CSMD2: variants seen among roughly 807,000 people sequenced by gnomAD.
The protein encoded by CSMD2 is CUB and Sushi multiple domains 2, also known as CUB and sushi domain-containing protein 2.
In CSMD2, 130 loss-of-function variants were observed where a neutral mutation model predicts 398.5. The observed-to-expected ratio is 0.33, with a 90% CI of 0.28 to 0.38. The LOEUF (loss-of-function observed/expected upper bound fraction) is 0.38, where lower values mean the gene tolerates loss of function less well. Ranked by LOEUF, CSMD2 falls within the 10% of genes least tolerant of loss-of-function variation. The probability of loss-of-function intolerance (pLI) is 1.00; values close to 1 mark genes in which losing one functional copy is unlikely to be tolerated. For missense variants in CSMD2, 3,829 were observed against 4,764.9 expected (o/e 0.80, Z 5.78); for synonymous variants, 1,828 against 1,908.5 (o/e 0.96, Z 1.10).
intron 3 of CSMD2, among the ~76,000 whole-genome samples, chr1:34,009,348 C>CG (rs2148061597): frequency 6.8e-6 from 1 of 146,288 alleles, no homozygotes; most frequent in South Asian, 2.2e-4. Flanking sequence ...AATTGAGGGT[C>CG]GGGGGTGGGG....
intron 13 of CSMD2, among the ~76,000 whole-genome samples, chr1:33,764,755 T>C (rs529211671): frequency 3.4e-4 from 52 of 152,358 alleles, no homozygotes; most frequent in African/African-American, 1.2e-3. Flanking sequence ...CTGGCTCTGA[T>C]CATTTGAAAA....
chr1:34,101,681 C>A (rs779236788), intron 1 of CSMD2, among the ~76,000 whole-genome samples: 1 of 152,152 alleles, frequency 6.6e-6, no homozygotes, highest in South Asian at 2.1e-4. Context: ...CTTTTTGGAA[C>A]TAGCTGATCA....
Position 33,820,569 on chromosome 1 carries a change from A to T in CSMD2, c.1112-13T>A. 2 of 789,036 alleles carry T rather than the reference A, an allele frequency of 2.5e-6. No individual in the cohort carries two copies. The highest frequency in any genetic ancestry group is 3.8e-6 in the Non-Finnish European group (2 of 526,436). The allele number at this position is 789,036 out of a possible 1,614,324, so 48.9% of individuals were successfully genotyped here. ...CCAACCTGAGTTACTACAAGGCAAA[A>T]AAAAAAAAAAAAAAAAAAACAGCAC... is the stretch of plus-strand genomic sequence containing the variant. On this transcript the variant is annotated splice_polypyrimidine_tract_variant and intron_variant, in intron 7 of 70. Transcript: ENST00000373381.
At chr1:34,030,754 C>G (rs926240163) in intron 3 of CSMD2, among the ~76,000 whole-genome samples, 1 of 152,144 alleles carries the variant, frequency 6.6e-6, no homozygotes, top group African/African-American at 2.4e-5. Context: ...CCTCAAAGAT[C>G]GACCAGGACT....
chr1:33,977,367 A>G (rs755491), intron 3 of CSMD2, among the ~76,000 whole-genome samples: 64,229 of 151,404 alleles, frequency 0.42, 13,839 homozygotes, highest in East Asian at 0.56. Flanking sequence ...AACTCTCCTC[A>G]GTCCATCCCT....
In CSMD2 at chr1:33,569,409, T is replaced by C. The variant is rs143469891; in HGVS notation, c.8096A>G (p.Asn2699Ser). 310 of 1,614,066 alleles carry C rather than the reference T, an allele frequency of 1.9e-4. No individual in the cohort carries two copies. In the African/African-American group the frequency reaches 3.1e-3, roughly 16 times the overall value. The change falls in exon 52 of 71, where the codon AAT (asparagine) becomes AGT (serine). Residue 2699 changes from asparagine (N) to serine (S), a missense_variant. Around this residue, in one of 5 missense-constraint regions of CSMD2, gnomAD observed 723 missense variants for 758.6 expected, o/e 0.95. Transcript: ENST00000373381. ...GACTTCAGAGCCACTCCAGAGCCCA[T>C]TGGCCATGCACTCACGCACCCTGGA... ...VGSRVRECMANGLWSGSEVRC... is the reference protein window; with the variant it reads ...VGSRVRECMASGLWSGSEVRC...
chr1:34,123,063 C>T (rs367945492), intron 1 of CSMD2, among the ~76,000 whole-genome samples: 13 of 152,130 alleles, frequency 8.5e-5, no homozygotes, highest in African/African-American at 3.1e-4. Context: ...TCCTGTAGTT[C>T]CTAACTCCTA....
intron 58 of CSMD2, among the ~76,000 whole-genome samples, chr1:33,542,251 A>T (rs544235599): frequency 1.3e-5 from 2 of 152,338 alleles, no homozygotes; most frequent in East Asian, 3.9e-4. Context: ...CGTGCTCAGG[A>T]ACCCGTACTG....
intron 5 of CSMD2, among the ~76,000 whole-genome samples, chr1:33,854,800 G>A (rs1558007609): frequency 6.6e-6 from 1 of 152,238 alleles, no homozygotes; most frequent in Admixed American, 6.5e-5. Flanking sequence ...CAGATGCACG[G>A]CTCTCTGGAG....
intron 2 of CSMD2, among the ~76,000 whole-genome samples, chr1:34,034,015 A>G (rs1040690686): frequency 2.6e-5 from 4 of 152,212 alleles, no homozygotes; most frequent in African/African-American, 4.8e-5. Flanking sequence ...CTCTTCAAAT[A>G]TAAACACATC....
chr1:34,043,463 T>C (rs1210742502), intron 2 of CSMD2, among the ~76,000 whole-genome samples: 1 of 152,254 alleles, frequency 6.6e-6, no homozygotes, highest in African/African-American at 2.4e-5. Flanking sequence ...TTCATCCCAA[T>C]GATCATGAAT....
intron 47 of CSMD2, among the ~76,000 whole-genome samples, chr1:33,583,142 GA>G (rs1367627006): frequency 6.6e-6 from 1 of 152,204 alleles, no homozygotes; most frequent in Non-Finnish European, 1.5e-5. Context: ...TTGGCAAGAT[GA>G]CTTTTCAAGA....
At chr1:33,692,125 G>T (rs2149096403) in intron 25 of CSMD2, among the ~76,000 whole-genome samples, 1 of 152,274 alleles carries the variant, frequency 6.6e-6, no homozygotes, top group South Asian at 2.1e-4. Flanking sequence ...TTTGTTATTA[G>T]GGCTTACTAT....
intron 19 of CSMD2, among the ~76,000 whole-genome samples, chr1:33,721,870 A>T (rs1466953676): frequency 6.6e-6 from 1 of 152,272 alleles, no homozygotes; most frequent in African/African-American, 2.4e-5. Flanking sequence ...AAAAGCCAAA[A>T]GATGAAAATA....
chr1:33,646,797 T>C lies in CSMD2; in HGVS notation c.4625A>G (p.Tyr1542Cys). Residue 1542 changes from tyrosine to cysteine, a missense_variant, in exon 29 of 71, where the codon TAC (tyrosine) becomes TGC (cysteine). Transcript: ENST00000373381. ...AGGGCTGAGAGAGTCCCGTCCGTCGTAGATATGGAGGAAGTCATAGCCAGG... is the reference window on the plus strand; with the variant it reads ...AGGGCTGAGAGAGTCCCGTCCGTCGCAGATATGGAGGAAGTCATAGCCAGG... ...LEPGYDFLHI[Y>C]DGRDSLSPLI... 6.2e-7 allele frequency: 1 copy of C among 1,613,652 alleles called. No individual in the cohort carries two copies. The highest frequency in any genetic ancestry group is 8.5e-7 in the Non-Finnish European group (1 of 1,179,800).
intron 1 of CSMD2, among the ~76,000 whole-genome samples, chr1:34,099,125 C>T (rs190653492): frequency 7.2e-5 from 11 of 152,314 alleles, no homozygotes; most frequent in African/African-American, 2.6e-4. Flanking sequence ...TCTAACTCCA[C>T]AACTTTCAGA....
rs1015423411 is a variant in CSMD2, at chr1:33,515,082, A to T, written c.*1542T>A. 2.0e-5 allele frequency: 3 copies of T among 152,218 alleles called. No homozygotes were observed. The highest frequency in any genetic ancestry group is 2.9e-5 in the Non-Finnish European group (2 of 68,046). 9.4% of individuals were successfully genotyped at this position (152,218 alleles called of 1,614,324 possible). On this transcript the variant is annotated 3_prime_UTR_variant, in exon 71 of 71. Coordinates refer to ENST00000373381, the MANE Select transcript of CSMD2 (RefSeq NM_001281956.2). ...CAGAGAAAGTGGCCCTAAATGCTAT[A>T]CTTTGATTCCTAAACTCATGAACTT...
At chr1:33,920,958 TA>T (rs1643916468) in intron 4 of CSMD2, among the ~76,000 whole-genome samples, 1 of 152,152 alleles carries the variant, frequency 6.6e-6, no homozygotes, top group Non-Finnish European at 1.5e-5. Flanking sequence ...GAGGGTGTTT[TA>T]GGCAGAAAAA....
intron 11 of CSMD2, among the ~76,000 whole-genome samples, chr1:33,790,222 G>T (rs1197857401): frequency 6.6e-6 from 1 of 152,168 alleles, no homozygotes; most frequent in Non-Finnish European, 1.5e-5. Context: ...GTGTCAACTT[G>T]ACTAGGCCAC....
Sources: gnomAD v4.1 joint callset for allele counts (sites outside exome capture counted in the v4.1 genomes callset) on GRCh38, gnomAD v4.1.1 for gene constraint, gnomAD v4.1.1 regional missense constraint, MANE v1.5 for transcripts, NCBI Gene and HGNC (gene_info 2026-07-23, HGNC 2026-07-21) for gene names.